Variants in EDEM1 observed in about 807,000 individuals in gnomAD.
EDEM1 encodes ER degradation-enhancing alpha-mannosidase-like protein 1.
EDEM1 carries 67 observed loss-of-function variants against 74.4 expected under a neutral mutation model. The observed-to-expected ratio is 0.90, with a 90% confidence interval of 0.74 to 1.10. The LOEUF is 1.10. Ranked by LOEUF, EDEM1 falls within the 50% of genes least tolerant of loss-of-function variation. The probability of loss-of-function intolerance (pLI) is 0.00; values close to 1 mark genes in which losing one functional copy is unlikely to be tolerated. For synonymous variants in EDEM1, 382 were observed against 335.9 expected (o/e 1.14, Z -1.50); for missense variants, 926 against 851.6 (o/e 1.09, Z -1.09).
Position 5,207,150 on chromosome 3 carries a change from C to A in EDEM1, c.1218-3C>A. The A allele has an allele frequency of 6.2e-7, 1 of 1,613,748 alleles. No individual in the cohort carries two copies. Among genetic ancestry groups the A allele is most frequent in the Non-Finnish European group, 8.5e-7 (1 of 1,179,878 alleles). On this transcript the variant is annotated splice_polypyrimidine_tract_variant and splice_region_variant and intron_variant, in intron 6 of 11. Transcript: ENST00000256497. ...CCACTGAATGTGCTGCTTGGGTTTG[C>A]AGGCGGGAAGCCTGCAATGAAGGAG...
chr3:5,208,637 C>T (rs568866349), intron 8 of EDEM1, among the ~76,000 whole-genome samples: 12 of 152,102 alleles, frequency 7.9e-5, no homozygotes, highest in East Asian at 5.8e-4. Context: ...TGTGGAGCCC[C>T]GGTCTGTGTA....
chr3:5,188,506 G>A (rs1467125024), intron 1 of EDEM1, 192 bp downstream of exon 1: 3 of 517,766 alleles, frequency 5.8e-6, no homozygotes, highest in Non-Finnish European at 9.0e-6. Context: ...GGGTGGGCCG[G>A]TGGCCTTCCT....
Position 5,208,281 on chromosome 3 carries a change from T to C in EDEM1, c.1509+18T>C. 3 of 1,600,080 alleles carry C rather than the reference T, an allele frequency of 1.9e-6. No homozygotes were observed. Among genetic ancestry groups the C allele is most frequent in the Non-Finnish European group, 2.6e-6 (3 of 1,175,998 alleles). On this transcript the variant is annotated intron_variant, in intron 8 of 11. Transcript: ENST00000256497. Reference sequence around the variant, plus strand: ...TCTACCAGGTACTAGAGTTGTGTTTTTTTTTTTTTCCTTTCACTGCCTCCC... The same window carrying C: ...TCTACCAGGTACTAGAGTTGTGTTTCTTTTTTTTTCCTTTCACTGCCTCCC...
chr3:5,219,331 T>C lies in EDEM1; in HGVS notation c.*3413T>C, dbSNP rs2055284042. 6.6e-6 allele frequency: 1 copy of C among 152,216 alleles called. No homozygotes were observed. The highest frequency in any genetic ancestry group is 2.4e-5 in the African/African-American group (1 of 41,464). 9.4% of individuals were successfully genotyped at this position (152,216 alleles called of 1,614,324 possible). A position where few individuals can be genotyped will look rare whatever the true frequency, so the allele number is the denominator to read the frequency against. On this transcript the variant is annotated 3_prime_UTR_variant, in exon 12 of 12. Transcript: ENST00000256497. ...AAAAGGTAGGGCTGAGTGATTACCT[T>C]AGCCACAGGGTGGCTGAGCAGGAAC...
At chr3:5,195,302 A>G (rs1355198933) in intron 2 of EDEM1, 21 bp downstream of exon 2, 2 of 1,470,666 alleles carry the variant, frequency 1.4e-6, no homozygotes, top group Admixed American at 4.3e-5. Context: ...ACCTTTTTTT[A>G]AAAAAATGAA....
intron 1 of EDEM1, among the ~76,000 whole-genome samples, chr3:5,192,251 C>A (rs567578478): frequency 2.0e-5 from 3 of 152,162 alleles, no homozygotes; most frequent in African/African-American, 4.8e-5. Flanking sequence ...CTGCATTTCC[C>A]TTTGTCTTGT....
At chr3:5,206,058 A>G (rs976966860) in intron 6 of EDEM1, among the ~76,000 whole-genome samples, 1 of 152,190 alleles carries the variant, frequency 6.6e-6, no homozygotes, top group Non-Finnish European at 1.5e-5. Context: ...ACTTGGTGAT[A>G]GAAAGGACAG....
chr3:5,195,793 C>T (rs574901799), intron 2 of EDEM1, among the ~76,000 whole-genome samples: 1 of 152,238 alleles, frequency 6.6e-6, no homozygotes, highest in Non-Finnish European at 1.5e-5. Flanking sequence ...GAGCTGCCAA[C>T]GTGGGTGCTG....
At chr3:5,208,772 C>T (rs145046313) in intron 8 of EDEM1, among the ~76,000 whole-genome samples, 2,951 of 145,366 alleles carry the variant, frequency 0.02, 95 homozygotes, top group African/African-American at 0.072. Context: ...TATATATATA[C>T]ACACACACAC....
In EDEM1 at chr3:5,188,108, C is replaced by A. The variant is rs767036564; in HGVS notation, c.303C>A (p.Gly101=). The change falls in exon 1 of 12, where the codon GGC becomes GGA. Residue 101 remains glycine, a synonymous_variant. Transcript: ENST00000256497. ...GGATGTGCGGCCCAGCCAACTGGGG[C>A]TACGTGCTGGGCGGCCGGGGCCGCG... ...GPGMCGPANW[G]YVLGGRGRGP... 8 of 1,516,612 alleles carry A rather than the reference C, an allele frequency of 5.3e-6. No homozygotes were observed. The East Asian group carries it at 8.2e-5, about 16-fold the overall frequency. 93.9% of individuals were successfully genotyped at this position (1,516,612 alleles called of 1,614,324 possible). A position where few individuals can be genotyped will look rare whatever the true frequency, so the allele number is the denominator to read the frequency against.
In EDEM1 at chr3:5,210,213, T is replaced by A. The variant is rs1444146545; in HGVS notation, c.1548T>A (p.Asp516Glu). The change falls in exon 9 of 12, where the codon GAT becomes GAA. Residue 516 changes from aspartate to glutamate, a missense_variant. Coordinates refer to ENST00000256497, the MANE Select transcript of EDEM1 (RefSeq NM_014674.3). ...KNPFYLHVGM[D>E]ILQSLEKYTK... Reference sequence around the variant, plus strand: ...CCTTCTACCTCCATGTAGGAATGGATATTCTGCAGAGTCTGGAAAAGTACA... The same window carrying A: ...CCTTCTACCTCCATGTAGGAATGGAAATTCTGCAGAGTCTGGAAAAGTACA... 6.2e-7 allele frequency: 1 copy of A among 1,614,144 alleles called. No individual in the cohort carries two copies.
rs1350773873 is a variant in EDEM1 at position 5,219,593 on chromosome 3, T to G, written c.*3675T>G. 2 of 152,324 alleles carry G rather than the reference T, an allele frequency of 1.3e-5. No homozygotes were observed. The highest frequency in any genetic ancestry group is 4.8e-5 in the African/African-American group (2 of 41,466). The allele number at this position is 152,324 out of a possible 1,614,324, so 9.4% of individuals were successfully genotyped here. A position where few individuals can be genotyped will look rare whatever the true frequency, so the allele number is the denominator to read the frequency against. On this transcript the variant is annotated 3_prime_UTR_variant, in exon 12 of 12. Coordinates refer to ENST00000256497, the MANE Select transcript of EDEM1 (RefSeq NM_014674.3). The stretch of plus-strand genomic sequence containing the variant: ...GATTCTATACCCTCTTCCTTCTTTC[T>G]GCAAGGCAGAGGAATAATATTTTTA...
chr3:5,212,434 C>A (rs759880116), intron 10 of EDEM1, among the ~76,000 whole-genome samples: 4 of 152,178 alleles, frequency 2.6e-5, no homozygotes, highest in Non-Finnish European at 4.4e-5. Context: ...ATCCAGCAGC[C>A]ACTGGTGTCA....
Position 5,199,627 on chromosome 3 carries a change from C to G in EDEM1, c.618C>G (p.Val206=). ...ATTCATCCGAGTTCCAGAAAGCCGT[C>G]AAGTTAGTGATCAACACAGTTTCAT... ...MGNSSEFQKA[V]KLVINTVSFD... The change falls in exon 3 of 12, where the codon GTC becomes GTG. Residue 206 remains valine (V), a synonymous_variant. Coordinates refer to ENST00000256497, the MANE Select transcript of EDEM1 (RefSeq NM_014674.3). The G allele has an allele frequency of 6.2e-7, 1 of 1,613,694 alleles. No individual in the cohort carries two copies. The highest frequency in any genetic ancestry group is 8.5e-7 in the Non-Finnish European group (1 of 1,179,832).
In EDEM1 at chr3:5,215,905, T is replaced by C; in HGVS notation, c.1961T>C (p.Val654Ala). ...SIYMRQIDQMVGLI is the reference protein window; with the variant it reads ...SIYMRQIDQMAGLI ...TACATGCGACAGATTGACCAGATGG[T>C]TGGTTTGATTTGATCTGCTCTCTGT... Residue 654 changes from valine to alanine, a missense_variant, in exon 12 of 12, where the codon GTT (valine) becomes GCT (alanine). Physicochemically the swap from Val to Ala is moderately conservative, Grantham distance 64. Coordinates refer to ENST00000256497, the MANE Select transcript of EDEM1 (RefSeq NM_014674.3). 1 of 1,612,892 alleles carries C rather than the reference T, an allele frequency of 6.2e-7. No individual in the cohort carries two copies. Among genetic ancestry groups the C allele is most frequent in the Non-Finnish European group, 8.5e-7 (1 of 1,179,556 alleles).
At position 5,210,261 on chromosome 3, in the gene EDEM1, A is replaced by T. The variant is rs753148546; in HGVS notation, c.1583+13A>T. The T allele has an allele frequency of 6.2e-7, 1 of 1,610,804 alleles. No individual in the cohort carries two copies. The highest frequency in any genetic ancestry group is 8.5e-7 in the Non-Finnish European group (1 of 1,177,090). ...ACACAAAAGTCAAGTCAGTTTTCTA[A>T]GTTCCTACCTTTTTCTGTCAGCCAC... On this transcript the variant is annotated intron_variant, in intron 9 of 11. Transcript: ENST00000256497.
chr3:5,188,386 C>T (rs2054856156), intron 1 of EDEM1, 72 bp downstream of exon 1: 23 of 1,327,080 alleles, frequency 1.7e-5, no homozygotes, highest in Non-Finnish European at 2.2e-5. Flanking sequence ...GGGTGCAGCC[C>T]TCTGTCCTCC....
At chr3:5,214,131 C>T (rs1644199648) in intron 11 of EDEM1, among the ~76,000 whole-genome samples, 2 of 152,208 alleles carry the variant, frequency 1.3e-5, no homozygotes, top group Non-Finnish European at 2.9e-5. Flanking sequence ...CTAGATTGTC[C>T]TGAGAAGCAG....
intron 1 of EDEM1, among the ~76,000 whole-genome samples, chr3:5,190,377 T>C (rs2106584579): frequency 6.6e-6 from 1 of 152,382 alleles, no homozygotes; most frequent in East Asian, 1.9e-4. Context: ...GTGATAACAC[T>C]TTCATTTGAG....
Sources: allele counts gnomAD v4.1 joint callset (sites outside exome capture counted in the v4.1 genomes callset), GRCh38; gene constraint gnomAD v4.1.1; transcripts MANE v1.5; gene names NCBI Gene and HGNC (gene_info 2026-07-23, HGNC 2026-07-21).